The following BAZ1B variants were observed in gnomAD, a reference collection of about 807,000 sequenced individuals.
The protein encoded by BAZ1B is tyrosine-protein kinase BAZ1B.
In BAZ1B, 22 loss-of-function variants were observed where a neutral mutation model predicts 153.8. That is an observed-to-expected ratio of 0.14 (90% CI 0.10 to 0.20). BAZ1B has a LOEUF of 0.20. BAZ1B is among the 10% of genes least tolerant of loss of function. BAZ1B has a pLI of 1.00. For missense variants in BAZ1B, 1,325 were observed against 1,799.3 expected (o/e 0.74, Z 4.77); for synonymous variants, 676 against 633.4 (o/e 1.07, Z -1.01).
rs533842724 is a variant in BAZ1B at position 73,452,472 on chromosome 7, C to T, written c.3433-1478G>A. Among the ~76,000 whole-genome samples, 159 of 152,192 alleles carry T rather than the reference C, an allele frequency of 1.0e-3. 1 individual carries two copies. Among genetic ancestry groups the T allele is most frequent in the Middle Eastern group, 6.8e-3 (2 of 294 alleles). ...GGCGTGGTGGCTCACACCTATAATC[C>T]CAGCACTTTGGGAGGCCGAGGCGGG... On this transcript the variant is annotated intron_variant, in intron 13 of 19. Coordinates refer to ENST00000339594, the MANE Select transcript of BAZ1B (RefSeq NM_032408.4).
intron 7 of BAZ1B, among the ~76,000 whole-genome samples, chr7:73,471,727 A>G (rs1554572030): frequency 6.6e-6 from 1 of 152,212 alleles, no homozygotes; most frequent in Non-Finnish European, 1.5e-5. Flanking sequence ...GCATCTGTCT[A>G]AAGATGTTAC....
At chr7:73,465,715 T>C (rs1583902119) in intron 10 of BAZ1B, among the ~76,000 whole-genome samples, 178 bp from the exon 11 acceptor site, 1 of 152,222 alleles carries the variant, frequency 6.6e-6, no homozygotes, top group African/African-American at 2.4e-5. Context: ...TGCCTAATGT[T>C]AATTCTGTAC....
intron 16 of BAZ1B, among the ~76,000 whole-genome samples, chr7:73,446,096 G>C (rs1347714917): frequency 2.0e-5 from 3 of 152,198 alleles, no homozygotes; most frequent in Admixed American, 6.5e-5. Flanking sequence ...GAGGACAGGA[G>C]AAGACGGGCA....
chr7:73,442,184 G>T lies in BAZ1B; in HGVS notation c.*12C>A. On this transcript the variant is annotated 3_prime_UTR_variant, in exon 19 of 20. Coordinates refer to ENST00000339594, the MANE Select transcript of BAZ1B (RefSeq NM_032408.4). Reference sequence around the variant, plus strand: ...CCCCCCACCTCAGCTCCCTTACCACGGCCCTGCCTCTCTACTTCTTCTGTC... The same window carrying T: ...CCCCCCACCTCAGCTCCCTTACCACTGCCCTGCCTCTCTACTTCTTCTGTC... The T allele has an allele frequency of 1.1e-6, 1 of 899,282 alleles. No individual in the cohort carries two copies. The highest frequency in any genetic ancestry group is 1.4e-6 in the Non-Finnish European group (1 of 695,686). 55.7% of individuals were successfully genotyped at this position (899,282 alleles called of 1,614,324 possible).
At chr7:73,459,133 A>G (rs1788303524) in intron 13 of BAZ1B, among the ~76,000 whole-genome samples, 1 of 151,966 alleles carries the variant, frequency 6.6e-6, no homozygotes. Flanking sequence ...CTGTAGTCCC[A>G]GCTACTCGGG....
At chr7:73,492,739 A>T (rs970668106) in intron 5 of BAZ1B, 61 bp downstream of exon 5, 2 of 1,465,634 alleles carry the variant, frequency 1.4e-6, no homozygotes, top group Admixed American at 4.7e-5. Context: ...CAACAAAAGC[A>T]ACCCTATGAT....
At chr7:73,493,695 A>T (rs1554575981) in intron 4 of BAZ1B, among the ~76,000 whole-genome samples, 1 of 151,654 alleles carries the variant, frequency 6.6e-6, no homozygotes, top group African/African-American at 2.4e-5. Flanking sequence ...ACAAAAAATT[A>T]GCCAGGTGTG....
intron 1 of BAZ1B, among the ~76,000 whole-genome samples, chr7:73,512,374 C>T (rs1316254430): frequency 2.0e-5 from 3 of 151,344 alleles, no homozygotes; most frequent in African/African-American, 4.9e-5. Flanking sequence ...AATTCTTCTT[C>T]CAATATGGCC....
At chr7:73,495,535 T>C (rs1483405094) in intron 4 of BAZ1B, among the ~76,000 whole-genome samples, 2 of 152,152 alleles carry the variant, frequency 1.3e-5, no homozygotes, top group African/African-American at 4.8e-5. Flanking sequence ...GCTGGAGCAC[T>C]AGGAGACAGT....
chr7:73,489,775 A>C (rs1789563072), intron 5 of BAZ1B, among the ~76,000 whole-genome samples: 1 of 152,218 alleles, frequency 6.6e-6, no homozygotes, highest in Non-Finnish European at 1.5e-5. Context: ...CCTGGGCAAC[A>C]GAGTGAGACC....
chr7:73,452,719 C>T (rs1279724797), intron 13 of BAZ1B, among the ~76,000 whole-genome samples: 1 of 140,730 alleles, frequency 7.1e-6, no homozygotes, highest in African/African-American at 2.7e-5. Flanking sequence ...AAGACTTCAT[C>T]TCGAGAAAAA....
chr7:73,478,674 T>C, intron 6 of BAZ1B, 105 bp from the exon 7 acceptor site: 2 of 916,544 alleles, frequency 2.2e-6, no homozygotes, highest in South Asian at 4.7e-5. Flanking sequence ...CAGGTAAAGC[T>C]ACATATTCAT....
intron 4 of BAZ1B, among the ~76,000 whole-genome samples, chr7:73,494,411 T>C (rs1222962813): frequency 1.3e-5 from 2 of 151,126 alleles, no homozygotes; most frequent in Non-Finnish European, 2.9e-5. Context: ...AAATGGAAAG[T>C]TGATACTGAA....
chr7:73,447,935 T>G (rs1787897980), intron 15 of BAZ1B, among the ~76,000 whole-genome samples: 1 of 152,176 alleles, frequency 6.6e-6, no homozygotes, highest in South Asian at 2.1e-4. Flanking sequence ...CATCTCTAAG[T>G]GCAGCTGGGA....
Position 73,498,023 on chromosome 7 carries a change from G to C in BAZ1B, c.571+474C>G, listed in dbSNP as rs752475468. Among the ~76,000 whole-genome samples the C allele has an allele frequency of 4.0e-5, 6 of 151,292 alleles. 1 individual carries two copies. Among genetic ancestry groups the C allele is most frequent in the Admixed American group, 4.0e-4 (6 of 15,174 alleles). On this transcript the variant is annotated intron_variant, in intron 4 of 19. Transcript: ENST00000339594. ...GGCACAGACTAGAGTGCAATGGTGC[G>C]ATCTCAGTTCACTGCAAACTCCACC...
At chr7:73,457,575 A>G (rs777913350) in intron 13 of BAZ1B, among the ~76,000 whole-genome samples, 70 of 152,352 alleles carry the variant, frequency 4.6e-4, no homozygotes, top group Non-Finnish European at 9.0e-4. Context: ...TGTGGTACAT[A>G]GAGACATGAT....
In BAZ1B at chr7:73,494,605, A is replaced by G. The variant is rs143733839; in HGVS notation, c.572-1684T>C. On this transcript the variant is annotated intron_variant, in intron 4 of 19. Transcript: ENST00000339594. ...AAACAAACAAACAAAAAAAATTAGA[A>G]AGGTGTTGTGATGCACACGTGTGGT... 2.0e-5 allele frequency among the ~76,000 whole-genome samples: 3 copies of G among 151,698 alleles called. No individual in the cohort carries two copies. The East Asian group carries it at 5.9e-4, about 30-fold the overall frequency.
At chr7:73,510,915 A>C (rs1790550858) in intron 1 of BAZ1B, 63 bp from the exon 2 acceptor site, 2 of 1,340,678 alleles carry the variant, frequency 1.5e-6, no homozygotes, top group East Asian at 4.6e-5. Flanking sequence ...CATACCCATA[A>C]GATACTTATA....
intron 4 of BAZ1B, among the ~76,000 whole-genome samples, chr7:73,496,548 C>T (rs889894494): frequency 6.6e-6 from 1 of 152,194 alleles, no homozygotes; most frequent in Non-Finnish European, 1.5e-5. Flanking sequence ...ACACACCAAA[C>T]ACTTGGTGCA....
Sources: gnomAD v4.1 joint callset for allele counts (sites outside exome capture counted in the v4.1 genomes callset) on GRCh38, gnomAD v4.1.1 for gene constraint, MANE v1.5 for transcripts, NCBI Gene and HGNC (gene_info 2026-07-23, HGNC 2026-07-21) for gene names.